SCEL: variants seen among roughly 807,000 people sequenced by gnomAD.
The protein encoded by SCEL is sciellin.
Under a neutral mutation model 117.6 loss-of-function variants are expected in SCEL, and 113 were observed. The observed-to-expected ratio is 0.96, with a 90% CI of 0.83 to 1.12. The LOEUF (loss-of-function observed/expected upper bound fraction) is 1.12, where lower values mean the gene tolerates loss of function less well. Among genes scored for constraint, SCEL ranks in the 50% most tolerant of loss-of-function variants. The pLI is 0.00. For synonymous variants in SCEL, 270 were observed against 256.2 expected (o/e 1.05, Z -0.51); for missense variants, 785 against 810.8 (o/e 0.97, Z 0.39).
At chr13:77,629,262 C>A (rs2089919229) in intron 28 of SCEL, among the ~76,000 whole-genome samples, 1 of 152,098 alleles carries the variant, frequency 6.6e-6, no homozygotes, top group Non-Finnish European at 1.5e-5. Context: ...AACTAGAGTT[C>A]TTTGTTACTA....
At chr13:77,629,179 C>T (rs144046228) in intron 28 of SCEL, among the ~76,000 whole-genome samples, 2 of 152,128 alleles carry the variant, frequency 1.3e-5, no homozygotes, top group African/African-American at 4.8e-5. Context: ...GGTGGCATTG[C>T]CGGGCCTCAG....
At chr13:77,605,773 G>A (rs1039253436) in intron 19 of SCEL, among the ~76,000 whole-genome samples, 10 of 152,128 alleles carry the variant, frequency 6.6e-5, no homozygotes, top group South Asian at 2.1e-4. Context: ...TTGGGAGGCC[G>A]AGGCGGGTGG....
At chr13:77,541,088 T>A (rs1421350948) in intron 1 of SCEL, among the ~76,000 whole-genome samples, 2 of 151,916 alleles carry the variant, frequency 1.3e-5, no homozygotes, top group African/African-American at 4.8e-5. Context: ...AAGGGAAAAA[T>A]AGGGAATGCA....
intron 29 of SCEL, among the ~76,000 whole-genome samples, chr13:77,635,107 C>T (rs907509873): frequency 6.6e-6 from 1 of 152,126 alleles, no homozygotes; most frequent in Admixed American, 6.6e-5. Context: ...GAAGAGTATT[C>T]AGGGAAGCTT....
rs2084674280 is a variant in SCEL, at chr13:77,556,660, A to G, written c.108A>G (p.Arg36=). ...AGGATTTTCACGAGGTGAACAAAAG[A>G]AGAACTTTCTTACAGGATAACAGTT... ...KQQDFHEVNK[R]RTFLQDNSWI... is the part of the protein sequence containing the mutation. The change falls in exon 3 of 33, where the codon AGA becomes AGG. Residue 36 remains arginine, a synonymous_variant. Coordinates refer to ENST00000349847, the MANE Select transcript of SCEL (RefSeq NM_144777.3). 6.2e-7 allele frequency: 1 copy of G among 1,614,142 alleles called. No individual in the cohort carries two copies. Among genetic ancestry groups the G allele is most frequent in the Non-Finnish European group, 8.5e-7 (1 of 1,179,992 alleles).
At chr13:77,617,499 T>C in intron 24 of SCEL, 100 bp from the exon 25 acceptor site, 1 of 673,938 alleles carries the variant, frequency 1.5e-6, no homozygotes, top group Non-Finnish European at 2.5e-6. Flanking sequence ...AATACTAAAA[T>C]AATATGTCTC....
In SCEL at chr13:77,569,448, A is replaced by G. The variant is rs1234064120; in HGVS notation, c.476A>G (p.Lys159Arg). The change falls in exon 8 of 33, where the codon AAG becomes AGG. Residue 159 changes from lysine (K) to arginine (R), a missense_variant. By Grantham distance (26) the Lys-to-Arg change is conservative (BLOSUM62 2). Transcript: ENST00000349847. The part of the protein sequence containing the change: ...STSATTPVKK[K>R]RQSWFPPPPP... Reference sequence around the variant, plus strand: ...TCTGCTACTACTCCTGTAAAGAAGAAGAGGTAGGATGAACTCACTGTGTCT... The same window carrying G: ...TCTGCTACTACTCCTGTAAAGAAGAGGAGGTAGGATGAACTCACTGTGTCT... 1 of 1,612,094 alleles carries G rather than the reference A, an allele frequency of 6.2e-7. No individual in the cohort carries two copies. Among genetic ancestry groups the G allele is most frequent in the Admixed American group, 1.7e-5 (1 of 60,008 alleles).
At chr13:77,557,017 C>T (rs953464100) in intron 3 of SCEL, among the ~76,000 whole-genome samples, 1 of 152,154 alleles carries the variant, frequency 6.6e-6, no homozygotes, top group African/African-American at 2.4e-5. Context: ...CATGACTTTC[C>T]AGTTTCCAAA....
chr13:77,599,564 C>A, intron 14 of SCEL, 125 bp from the exon 15 acceptor site: 2 of 896,704 alleles, frequency 2.2e-6, no homozygotes, highest in Non-Finnish European at 3.7e-6. Context: ...AGGATTTCTG[C>A]TCTTCCATTC....
intron 3 of SCEL, among the ~76,000 whole-genome samples, chr13:77,558,875 A>C (rs985198399): frequency 6.6e-6 from 1 of 151,632 alleles, no homozygotes; most frequent in African/African-American, 2.4e-5. Context: ...AGTAGAGCAT[A>C]ACCAGGAAAA....
chr13:77,636,853 T>C (rs2090302880), intron 29 of SCEL, among the ~76,000 whole-genome samples: 2 of 152,186 alleles, frequency 1.3e-5, no homozygotes, highest in Admixed American at 1.3e-4. Flanking sequence ...ATAAATTTCA[T>C]GAAAGATGAG....
chr13:77,584,137 TGAA>T (rs1189799786), intron 9 of SCEL, among the ~76,000 whole-genome samples: 6 of 152,342 alleles, frequency 3.9e-5, no homozygotes, highest in African/African-American at 1.4e-4. Context: ...CAGAATTCAA[TGAA>T]GATCATTCCA....
chr13:77,566,841 T>C (rs950627587), intron 5 of SCEL, among the ~76,000 whole-genome samples: 1 of 152,084 alleles, frequency 6.6e-6, no homozygotes, highest in African/African-American at 2.4e-5. Flanking sequence ...GGTTTTACAA[T>C]GGGTCTGGAA....
intron 11 of SCEL, among the ~76,000 whole-genome samples, chr13:77,593,278 GTGTGTGTGTGTGTGTGTGTC>G (rs1313022810): frequency 1.8e-5 from 2 of 110,534 alleles, no homozygotes; most frequent in African/African-American, 9.9e-5. Context: ...GTGTGTGTGT[GTGTGTGTGTGTGTGTGTGTC>G]TGTGTGTGTG....
intron 30 of SCEL, among the ~76,000 whole-genome samples, chr13:77,639,420 A>T (rs1431568061): frequency 1.3e-5 from 2 of 152,204 alleles, no homozygotes; most frequent in Non-Finnish European, 2.9e-5. Context: ...TTTATCTACT[A>T]TAATGCCTTT....
intron 3 of SCEL, 60 bp downstream of exon 3, chr13:77,556,773 G>A (rs2154395853): frequency 8.5e-7 from 1 of 1,170,692 alleles, no homozygotes; most frequent in Non-Finnish European, 1.3e-6. Context: ...TTATCTGTTT[G>A]GGAAGCTAAT....
chr13:77,545,473 C>T (rs953754675), intron 1 of SCEL, among the ~76,000 whole-genome samples: 1 of 152,006 alleles, frequency 6.6e-6, no homozygotes, highest in African/African-American at 2.4e-5. Flanking sequence ...GCATTTTTAA[C>T]AAGGATATTA....
intron 9 of SCEL, among the ~76,000 whole-genome samples, chr13:77,573,683 GTCTA>G (rs926840144): frequency 2.0e-4 from 29 of 142,272 alleles, no homozygotes; most frequent in African/African-American, 5.5e-4. Flanking sequence ...CTATCTATCT[GTCTA>G]TCTATCTAAT....
intron 12 of SCEL, among the ~76,000 whole-genome samples, chr13:77,594,091 C>T (rs750673621): frequency 6.6e-6 from 1 of 152,124 alleles, no homozygotes; most frequent in African/African-American, 2.4e-5. Context: ...CACGGATTTC[C>T]CCTAGTTTAA....
Sources: gnomAD v4.1 joint callset for allele counts (sites outside exome capture counted in the v4.1 genomes callset) on GRCh38, gnomAD v4.1.1 for gene constraint, MANE v1.5 for transcripts, NCBI Gene and HGNC (gene_info 2026-07-23, HGNC 2026-07-21) for gene names.